The following SIPA1L1 variants were observed in gnomAD, a reference collection of about 807,000 sequenced individuals.
The protein encoded by SIPA1L1 is signal induced proliferation associated 1 like 1.
In SIPA1L1, 26 loss-of-function variants were observed where a neutral mutation model predicts 162.7. The ratio of observed to expected loss-of-function variants is 0.16; its 90% CI spans 0.12 to 0.22. The LOEUF is 0.22. SIPA1L1 is among the 10% of genes least tolerant of loss of function. The pLI is 1.00. For missense variants in SIPA1L1, 1,874 were observed against 2,241.0 expected (o/e 0.84, Z 3.31); for synonymous variants, 829 against 837.4 (o/e 0.99, Z 0.17).
At chr14:71,610,363 CCTTG>C (rs1229055309) in intron 5 of SIPA1L1, among the ~76,000 whole-genome samples, 2 of 152,114 alleles carry the variant, frequency 1.3e-5, no homozygotes, top group Non-Finnish European at 2.9e-5. Flanking sequence ...GAAATGTGAG[CCTTG>C]ATTTTTATTG....
chr14:71,499,232 C>T (rs746189874), intron 2 of SIPA1L1, among the ~76,000 whole-genome samples: 2 of 152,054 alleles, frequency 1.3e-5, no homozygotes, highest in East Asian at 1.9e-4. Context: ...CCTGTAGCTA[C>T]CTGGTAGGGT....
chr14:71,738,812 C>G (rs2085554867), intron 23 of SIPA1L1, among the ~76,000 whole-genome samples: 1 of 152,130 alleles, frequency 6.6e-6, no homozygotes, highest in Non-Finnish European at 1.5e-5. Flanking sequence ...TAGAGCTAAT[C>G]CTGCAGGGTT....
At chr14:71,611,283 T>A (rs1485062230) in intron 5 of SIPA1L1, among the ~76,000 whole-genome samples, 2 of 152,238 alleles carry the variant, frequency 1.3e-5, no homozygotes, top group African/African-American at 4.8e-5. Context: ...CCTTTAGCTC[T>A]GTCCTCTCTT....
intron 2 of SIPA1L1, among the ~76,000 whole-genome samples, chr14:71,407,102 G>A (rs2042078352): frequency 1.3e-5 from 2 of 152,182 alleles, no homozygotes; most frequent in Admixed American, 1.3e-4. Flanking sequence ...AATTGGCTGG[G>A]TGTGGTGGCG....
At chr14:71,493,664 C>T (rs956771703) in intron 2 of SIPA1L1, among the ~76,000 whole-genome samples, 1 of 152,114 alleles carries the variant, frequency 6.6e-6, no homozygotes. Context: ...TGTTTCTTAC[C>T]TAAAAGCAGT....
intron 4 of SIPA1L1, among the ~76,000 whole-genome samples, chr14:71,570,886 A>G (rs1596190995): frequency 6.6e-6 from 1 of 152,086 alleles, no homozygotes; most frequent in Non-Finnish European, 1.5e-5. Flanking sequence ...TCCTGGGTTC[A>G]AGCAATTCTC....
intron 2 of SIPA1L1, among the ~76,000 whole-genome samples, chr14:71,355,631 T>A (rs376799575): frequency 6.6e-6 from 1 of 152,236 alleles, no homozygotes; most frequent in African/African-American, 2.4e-5. Context: ...GTTACTGTCA[T>A]CAGACTCTTT....
intron 10 of SIPA1L1, among the ~76,000 whole-genome samples, chr14:71,670,452 C>G (rs1418417015): frequency 6.6e-6 from 1 of 152,116 alleles, no homozygotes; most frequent in African/African-American, 2.4e-5. Flanking sequence ...CAAGGAATAG[C>G]TCAGTTTAAA....
chr14:71,339,781 C>T (rs1257291127), intron 2 of SIPA1L1, among the ~76,000 whole-genome samples: 1 of 152,138 alleles, frequency 6.6e-6, no homozygotes, highest in African/African-American at 2.4e-5. Flanking sequence ...TTAATGTCAG[C>T]TATCATTTAT....
chr14:71,660,563 TCA>T (rs1400399096), intron 9 of SIPA1L1, among the ~76,000 whole-genome samples: 1 of 152,192 alleles, frequency 6.6e-6, no homozygotes, highest in Non-Finnish European at 1.5e-5. Flanking sequence ...TATATAAATG[TCA>T]CACTTAGTTG....
At chr14:71,679,849 A>G (rs2045618413) in intron 12 of SIPA1L1, among the ~76,000 whole-genome samples, 1 of 152,240 alleles carries the variant, frequency 6.6e-6, no homozygotes, top group African/African-American at 2.4e-5. Context: ...CCATTACATA[A>G]TGGTAAAGGG....
chr14:71,407,499 T>TTCCC (rs149510626), intron 2 of SIPA1L1, among the ~76,000 whole-genome samples: 53,995 of 130,832 alleles, frequency 0.41, 11,582 homozygotes, highest in Admixed American at 0.49. Context: ...CCTTCCTTCC[T>TTCCC]TCCCTCCCTT....
intron 5 of SIPA1L1, among the ~76,000 whole-genome samples, chr14:71,608,343 C>T (rs1384870495): frequency 1.3e-5 from 2 of 152,140 alleles, no homozygotes; most frequent in African/African-American, 2.4e-5. Flanking sequence ...CCTTCAATAG[C>T]CTTTTCCATA....
chr14:71,698,581 G>A (rs1049319138), intron 13 of SIPA1L1, among the ~76,000 whole-genome samples: 3 of 152,158 alleles, frequency 2.0e-5, no homozygotes, highest in Non-Finnish European at 4.4e-5. Context: ...TGTTACTATG[G>A]TCATATACTC....
chr14:71,452,410 C>G (rs949706895), intron 2 of SIPA1L1, among the ~76,000 whole-genome samples: 23 of 152,112 alleles, frequency 1.5e-4, no homozygotes, highest in Admixed American at 4.6e-4. Context: ...ATATACTACA[C>G]TTTATTTACT....
At chr14:71,590,265 CGAG>C (rs2035217382) in intron 5 of SIPA1L1, among the ~76,000 whole-genome samples, 1 of 151,720 alleles carries the variant, frequency 6.6e-6, no homozygotes, top group Non-Finnish European at 1.5e-5. Flanking sequence ...GGTAGACAAA[CGAG>C]GAAACAGGAT....
At chr14:71,658,248 CTCTTT>C in intron 8 of SIPA1L1, 80 bp from the exon 9 acceptor site, 2 of 720,884 alleles carry the variant, frequency 2.8e-6, no homozygotes, top group Non-Finnish European at 4.7e-6. Flanking sequence ...TTCTTTTCTT[CTCTTT>C]TCTTTTTTGA....
At chr14:71,497,326 G>T (rs1251187133) in intron 2 of SIPA1L1, among the ~76,000 whole-genome samples, 1 of 152,116 alleles carries the variant, frequency 6.6e-6, no homozygotes, top group African/African-American at 2.4e-5. Flanking sequence ...GATTACAGAT[G>T]TGAGCCACCA....
Position 71,377,184 on chromosome 14 carries a change from C to CGGCCG in SIPA1L1, c.-465+56006_-465+56010dup, listed in dbSNP as rs2039462820. Among the ~76,000 whole-genome samples, 1 of 150,102 alleles carries CGGCCG rather than the reference C, an allele frequency of 6.7e-6. No individual in the cohort carries two copies. Among genetic ancestry groups the CGGCCG allele is most frequent in the Non-Finnish European group, 1.5e-5 (1 of 67,478 alleles). On this transcript the variant is annotated intron_variant, in intron 2 of 23. Coordinates refer to ENST00000381232, the MANE Select transcript of SIPA1L1 (RefSeq NM_001386936.1). This position sits in a 1 kb window ranked among gnomAD's most constrained non-coding sequence, Gnocchi z 4.8. ...AGCCCCCACCTCCCAGATGGGGCGG[C>CGGCCG]GGCCGGGTGGGGGCGCCCCCCCACC...
Sources: gnomAD v4.1 joint callset for allele counts (sites outside exome capture counted in the v4.1 genomes callset) on GRCh38, gnomAD v4.1.1 for gene constraint, Gnocchi (gnomAD v3.1) non-coding constraint, MANE v1.5 for transcripts, NCBI Gene and HGNC (gene_info 2026-07-23, HGNC 2026-07-21) for gene names.